The following ATP8A2 variants were observed in gnomAD, a reference collection of about 807,000 sequenced individuals.
ATP8A2 encodes phospholipid-transporting ATPase IB.
In ATP8A2, 100 loss-of-function variants were observed where a neutral mutation model predicts 165.6. The observed-to-expected ratio is 0.60, with a 90% CI of 0.51 to 0.71. The LOEUF is 0.71. Ranked by LOEUF, ATP8A2 falls within the 30% of genes least tolerant of loss-of-function variation. ATP8A2 has a pLI of 0.00. For synonymous variants in ATP8A2, 543 were observed against 548.8 expected, an observed-to-expected ratio of 0.99 and a Z score of 0.15; for missense variants, 1,227 against 1,479.5, an observed-to-expected ratio of 0.83 and a Z score of 2.80.
At chr13:25,841,883 A>G (rs1176246141) in intron 30 of ATP8A2, among the ~76,000 whole-genome samples, 1 of 152,122 alleles carries the variant, frequency 6.6e-6, no homozygotes. Context: ...GACCTACTTG[A>G]TGTGTCATCC....
intron 27 of ATP8A2, among the ~76,000 whole-genome samples, chr13:25,792,269 C>G (rs893673618): frequency 9.2e-5 from 14 of 152,202 alleles, no homozygotes; most frequent in African/African-American, 2.9e-4. Flanking sequence ...AGCCCAGATG[C>G]AAACAATAAA....
chr13:25,665,795 C>T lies in ATP8A2; in HGVS notation c.2212-33378C>T, dbSNP rs574777189. Among the ~76,000 whole-genome samples, 8 of 151,846 alleles carry T rather than the reference C, an allele frequency of 5.3e-5. No homozygotes were observed. In the South Asian group the frequency reaches 6.3e-4, roughly 12 times the overall value. Reference sequence around the variant, plus strand: ...AACTCCTGGGCTCAAGGAATCCTCCCGCCTCAGCCTCCTGGGTAGCTAGCT... The same window carrying T: ...AACTCCTGGGCTCAAGGAATCCTCCTGCCTCAGCCTCCTGGGTAGCTAGCT... On this transcript the variant is annotated intron_variant, in intron 24 of 36. Coordinates refer to ENST00000381655, the MANE Select transcript of ATP8A2 (RefSeq NM_016529.6).
At chr13:25,419,926 G>A (rs545441927) in intron 1 of ATP8A2, among the ~76,000 whole-genome samples, 1 of 152,294 alleles carries the variant, frequency 6.6e-6, no homozygotes, top group South Asian at 2.1e-4. Flanking sequence ...TTGTGGCTCT[G>A]ATTCTGCTGA....
chr13:25,656,917 G>A (rs7999345), intron 24 of ATP8A2, among the ~76,000 whole-genome samples: 2,194 of 151,520 alleles, frequency 0.014, 48 homozygotes, highest in African/African-American at 0.049. Flanking sequence ...GCTGGGCATG[G>A]TGGTGCATGC....
Position 25,957,816 on chromosome 13 carries a change from G to A in ATP8A2, c.3184-3759G>A, listed in dbSNP as rs552664954. Among the ~76,000 whole-genome samples, 11 of 152,214 alleles carry A rather than the reference G, an allele frequency of 7.2e-5. No homozygotes were observed. The East Asian group carries it at 1.2e-3, about 16-fold the overall frequency. ...TTCTACTATAAAGACACATGTACACGCTTGTTTATTGCAGCACTCTTCACA... is the reference window on the plus strand; with the variant it reads ...TTCTACTATAAAGACACATGTACACACTTGTTTATTGCAGCACTCTTCACA... On this transcript the variant is annotated intron_variant, in intron 33 of 36. Transcript: ENST00000381655.
At chr13:26,011,109 G>A (rs572736391) in intron 35 of ATP8A2, among the ~76,000 whole-genome samples, 12 of 152,226 alleles carry the variant, frequency 7.9e-5, no homozygotes, top group South Asian at 2.1e-4. Flanking sequence ...CTACAACTCC[G>A]TATCCCCTCA....
intron 24 of ATP8A2, among the ~76,000 whole-genome samples, chr13:25,633,905 G>A (rs1251221144): frequency 6.6e-6 from 1 of 151,990 alleles, no homozygotes; most frequent in Non-Finnish European, 1.5e-5. Context: ...GAGCCTGGAA[G>A]GTTGAGGCTG....
chr13:25,616,517 A>G (rs572269592), intron 24 of ATP8A2, among the ~76,000 whole-genome samples: 15 of 151,910 alleles, frequency 9.9e-5, no homozygotes, highest in Admixed American at 8.5e-4. Flanking sequence ...TTTTTAGTAG[A>G]AATGGGGTTT....
intron 27 of ATP8A2, among the ~76,000 whole-genome samples, chr13:25,801,659 G>T (rs1444455146): frequency 2.0e-5 from 3 of 152,194 alleles, no homozygotes; most frequent in Non-Finnish European, 4.4e-5. Context: ...TAATGAAGTT[G>T]TTGGGTGTGA....
At chr13:25,668,957 C>CT (rs913716814) in intron 24 of ATP8A2, among the ~76,000 whole-genome samples, 73 of 152,140 alleles carry the variant, frequency 4.8e-4, no homozygotes, top group African/African-American at 1.7e-3. Flanking sequence ...ATTTCCTCTA[C>CT]TTTTTTTGTC....
At chr13:25,564,596 A>G in intron 16 of ATP8A2, among the ~76,000 whole-genome samples, 1 of 152,230 alleles carries the variant, frequency 6.6e-6, no homozygotes, top group Non-Finnish European at 1.5e-5. Flanking sequence ...CTTAAACCTC[A>G]GTCTGTTAGA....
At chr13:25,833,687 A>G (rs1951533838) in intron 28 of ATP8A2, among the ~76,000 whole-genome samples, 1 of 152,224 alleles carries the variant, frequency 6.6e-6, no homozygotes, top group African/African-American at 2.4e-5. Context: ...AATTAATTCC[A>G]GATATATTAA....
chr13:25,615,934 G>T (rs2040811804), intron 24 of ATP8A2, among the ~76,000 whole-genome samples: 1 of 151,958 alleles, frequency 6.6e-6, no homozygotes, highest in Admixed American at 6.6e-5. Context: ...CTCTTCCAAG[G>T]GTCTGTGGAT....
chr13:25,549,097 C>T (rs994842108), intron 10 of ATP8A2, among the ~76,000 whole-genome samples: 4 of 152,102 alleles, frequency 2.6e-5, no homozygotes, highest in Admixed American at 6.5e-5. Context: ...CACAAGGTAC[C>T]ATTTTTATGG....
chr13:25,417,873 C>T (rs1405497150), intron 1 of ATP8A2, among the ~76,000 whole-genome samples: 1 of 152,208 alleles, frequency 6.6e-6, no homozygotes, highest in Non-Finnish European at 1.5e-5. Flanking sequence ...AACAGATATA[C>T]AGTGGACACA....
intron 25 of ATP8A2, among the ~76,000 whole-genome samples, chr13:25,716,559 A>G (rs563249059): frequency 6.6e-6 from 1 of 152,276 alleles, no homozygotes; most frequent in Admixed American, 6.5e-5. Context: ...TTCCAGCACC[A>G]TTTGTTGAAG....
At chr13:25,450,591 G>A (rs904771137) in intron 1 of ATP8A2, among the ~76,000 whole-genome samples, 1 of 152,138 alleles carries the variant, frequency 6.6e-6, no homozygotes. Context: ...GAGTGCAGTG[G>A]TGTGATCTCG....
At chr13:25,446,566 C>T (rs2035075522) in intron 1 of ATP8A2, among the ~76,000 whole-genome samples, 1 of 152,130 alleles carries the variant, frequency 6.6e-6, no homozygotes, top group South Asian at 2.1e-4. Context: ...TTGTTCATTC[C>T]ATTATCTTTT....
intron 24 of ATP8A2, among the ~76,000 whole-genome samples, chr13:25,662,573 A>G (rs11618454): frequency 0.26 from 38,835 of 152,112 alleles, 5,284 homozygotes; most frequent in South Asian, 0.47. Context: ...GTGACTGTCA[A>G]AAAGCTGACT....
Sources: gnomAD v4.1 joint callset for allele counts (sites outside exome capture counted in the v4.1 genomes callset) on GRCh38, gnomAD v4.1.1 for gene constraint, MANE v1.5 for transcripts, NCBI Gene and HGNC (gene_info 2026-07-23, HGNC 2026-07-21) for gene names.